Variants in PHTF1 observed in about 807,000 individuals in gnomAD.
The protein encoded by PHTF1 is putative homeodomain transcription factor 1, also known as protein PHTF1.
A neutral mutation model predicts 102.4 loss-of-function variants in PHTF1; 88 were observed. The observed-to-expected ratio is 0.86, with a 90% confidence interval of 0.72 to 1.03. PHTF1 has a LOEUF of 1.03. Among genes scored for constraint, PHTF1 ranks in the 50% least tolerant of loss-of-function variants. The pLI is 0.00. For synonymous variants in PHTF1, 289 were observed against 305.2 expected (o/e 0.95, Z 0.55); for missense variants, 814 against 909.5 (o/e 0.89, Z 1.35).
At chr1:113,718,820 G>A (rs1385798721) in intron 7 of PHTF1, among the ~76,000 whole-genome samples, 7 of 152,178 alleles carry the variant, frequency 4.6e-5, no homozygotes, top group South Asian at 2.1e-4. Context: ...TCCGGCCCAC[G>A]AAACCACTTT....
At chr1:113,733,479 T>C (rs188712832) in intron 5 of PHTF1, among the ~76,000 whole-genome samples, 32 of 152,260 alleles carry the variant, frequency 2.1e-4, no homozygotes, top group South Asian at 8.3e-4. Flanking sequence ...TGCTATAACA[T>C]ATGTCCCCAA....
intron 5 of PHTF1, among the ~76,000 whole-genome samples, chr1:113,736,341 CAA>C (rs57050485): frequency 3.0e-4 from 18 of 60,664 alleles, no homozygotes; most frequent in Admixed American, 3.8e-4. Context: ...GACTCCATCT[CAA>C]AAAAAAAAAA....
intron 5 of PHTF1, among the ~76,000 whole-genome samples, chr1:113,728,658 C>T (rs1401150989): frequency 6.6e-6 from 1 of 152,200 alleles, no homozygotes; most frequent in Admixed American, 6.5e-5. Context: ...CCTGTAATCC[C>T]AGCACTTTGA....
intron 3 of PHTF1, among the ~76,000 whole-genome samples, chr1:113,744,006 G>C (rs1656824109): frequency 6.6e-6 from 1 of 152,170 alleles, no homozygotes; most frequent in Non-Finnish European, 1.5e-5. Context: ...GTAGAGAGAG[G>C]TTTTGTTTAA....
At chr1:113,731,976 ATGT>A (rs1032893695) in intron 5 of PHTF1, among the ~76,000 whole-genome samples, 4 of 151,984 alleles carry the variant, frequency 2.6e-5, no homozygotes, top group African/African-American at 9.7e-5. Context: ...AGCAAAGAGA[ATGT>A]TGTAAAGAAG....
intron 5 of PHTF1, among the ~76,000 whole-genome samples, chr1:113,733,801 T>C (rs1655064402): frequency 6.6e-6 from 1 of 152,152 alleles, no homozygotes; most frequent in South Asian, 2.1e-4. Context: ...AAGACAGAAA[T>C]TGGTACTGAG....
At position 113,731,226 on chromosome 1, in the gene PHTF1, T is replaced by C. The variant is rs79994487; in HGVS notation, c.332-4652A>G. On this transcript the variant is annotated intron_variant, in intron 5 of 18. Transcript: ENST00000369604. The stretch of plus-strand genomic sequence containing the variant: ...TTTAACAAGATCTAAGCAGGCCTTA[T>C]AAGAAAAAAATCCAGGGCTGGGTGT... Among the ~76,000 whole-genome samples the C allele has an allele frequency of 3.5e-3, 534 of 152,140 alleles. 4 individuals are homozygous for C. Among genetic ancestry groups the C allele is most frequent in the African/African-American group, 0.012 (513 of 41,508 alleles).
intron 7 of PHTF1, among the ~76,000 whole-genome samples, chr1:113,723,994 T>A (rs562818513): frequency 2.6e-5 from 4 of 152,224 alleles, no homozygotes; most frequent in Admixed American, 1.3e-4. Flanking sequence ...AGAAGACATA[T>A]AAATGGTAAA....
intron 7 of PHTF1, among the ~76,000 whole-genome samples, chr1:113,716,342 CTTTTTTTTTTTT>C (rs1180513920): frequency 1.5e-4 from 18 of 120,958 alleles, no homozygotes; most frequent in Admixed American, 1.1e-3. Context: ...TTATTTTTCC[CTTTTTTTTTTTT>C]TTTTTTTTTT....
intron 17 of PHTF1, chr1:113,698,763 A>G: frequency 4.6e-6 from 1 of 215,442 alleles, no homozygotes. Flanking sequence ...CCATCAGGTC[A>G]GCATTTTGAA....
At chr1:113,725,023 C>A (rs1981319) in intron 6 of PHTF1, 130 bp from the exon 7 acceptor site, 462,763 of 630,496 alleles carry the variant, frequency 0.73, 172,515 homozygotes, top group African/African-American at 0.83. Context: ...TCATATTCTG[C>A]GGATAAACTA....
chr1:113,713,009 T>A (rs1177588319), intron 8 of PHTF1, among the ~76,000 whole-genome samples: 1 of 152,128 alleles, frequency 6.6e-6, no homozygotes, highest in Non-Finnish European at 1.5e-5. Context: ...GCCAAGATGA[T>A]CTCGATCTCC....
At chr1:113,721,485 A>G (rs1652929426) in intron 7 of PHTF1, among the ~76,000 whole-genome samples, 1 of 152,202 alleles carries the variant, frequency 6.6e-6, no homozygotes, top group Non-Finnish European at 1.5e-5. Context: ...GTTATTCAAC[A>G]TAGTACTAGA....
chr1:113,710,789 C>T (rs946282087), intron 10 of PHTF1, among the ~76,000 whole-genome samples: 8 of 112,302 alleles, frequency 7.1e-5, no homozygotes, highest in African/African-American at 2.6e-4. Context: ...CCATCACACC[C>T]GGATATATAT....
chr1:113,757,698 C>G lies in PHTF1; in HGVS notation c.102+1G>C, dbSNP rs748032260. On this transcript the variant is annotated splice_donor_variant, in intron 3 of 18. Transcript: ENST00000369604. LOFTEE classifies it high-confidence loss of function. ...AGGCGGAATCAAAGAAATCAATTTACCTTAATCTGAGTCTGTTCGATTGAC... is the reference window on the plus strand; with the variant it reads ...AGGCGGAATCAAAGAAATCAATTTAGCTTAATCTGAGTCTGTTCGATTGAC... 5 of 1,595,968 alleles carry G rather than the reference C, an allele frequency of 3.1e-6. No individual in the cohort carries two copies. The Admixed American group carries it at 6.7e-5, about 21-fold the overall frequency.
chr1:113,751,321 T>C (rs936245997), intron 3 of PHTF1, among the ~76,000 whole-genome samples: 1 of 152,206 alleles, frequency 6.6e-6, no homozygotes, highest in African/African-American at 2.4e-5. Context: ...AGTTGTGCAA[T>C]CATTATCACA....
intron 5 of PHTF1, among the ~76,000 whole-genome samples, chr1:113,732,207 G>A (rs1664805572): frequency 6.6e-6 from 1 of 151,930 alleles, no homozygotes; most frequent in Non-Finnish European, 1.5e-5. Flanking sequence ...GAATAATGAA[G>A]AAATACTTGG....
At chr1:113,728,927 A>G (rs1267123616) in intron 5 of PHTF1, among the ~76,000 whole-genome samples, 2 of 152,164 alleles carry the variant, frequency 1.3e-5, no homozygotes, top group African/African-American at 4.8e-5. Flanking sequence ...AAACAAAAAG[A>G]ACAAAAGAAA....
At chr1:113,701,107 T>G (rs1440073488) in intron 15 of PHTF1, among the ~76,000 whole-genome samples, 158 bp from the exon 16 acceptor site, 2 of 152,264 alleles carry the variant, frequency 1.3e-5, no homozygotes. Context: ...CCTATTTATT[T>G]AATCACTATA....
Sources: allele counts gnomAD v4.1 joint callset (sites outside exome capture counted in the v4.1 genomes callset), GRCh38; gene constraint gnomAD v4.1.1; transcripts MANE v1.5; gene names NCBI Gene and HGNC (gene_info 2026-07-23, HGNC 2026-07-21).